Variants in GTF3C2 observed in about 807,000 individuals in gnomAD.
The protein encoded by GTF3C2 is general transcription factor 3C polypeptide 2.
GTF3C2 carries 17 observed loss-of-function variants against 117.4 expected under a neutral mutation model. That is an observed-to-expected ratio of 0.14 (90% CI 0.10 to 0.22). The LOEUF is 0.22. Among genes scored for constraint, GTF3C2 ranks in the 10% least tolerant of loss-of-function variants. The probability of loss-of-function intolerance (pLI) is 1.00; values close to 1 mark genes in which losing one functional copy is unlikely to be tolerated. For synonymous variants in GTF3C2, 437 were observed against 427.0 expected, an observed-to-expected ratio of 1.02 and a Z score of -0.29; for missense variants, 888 against 1,143.6, an observed-to-expected ratio of 0.78 and a Z score of 3.22.
At chr2:27,337,588 G>C in intron 5 of GTF3C2, 30 bp from the exon 6 acceptor site, 1 of 1,446,216 alleles carries the variant, frequency 6.9e-7, no homozygotes, top group East Asian at 2.3e-5. Context: ...ATTAATGAAG[G>C]AGAGGGATTC....
In GTF3C2 at chr2:27,352,315, A is replaced by G. The variant is rs942041668; in HGVS notation, c.-25+4424T>C. Among the ~76,000 whole-genome samples, 3 of 152,064 alleles carry G rather than the reference A, an allele frequency of 2.0e-5. No homozygotes were observed. The East Asian group carries it at 5.8e-4, about 29-fold the overall frequency. On this transcript the variant is annotated intron_variant, in intron 1 of 18. Coordinates refer to ENST00000264720, the Ensembl canonical transcript of GTF3C2. ...GCCCCTACATGCTCTCCCCCTACAC[A>G]TTCTCTGATCCCGATTCTCTGCAGA...
intron 16 of GTF3C2, 133 bp from the exon 17 acceptor site, chr2:27,328,322 G>T (rs534691588): frequency 9.7e-7 from 1 of 1,027,420 alleles, no homozygotes; most frequent in Non-Finnish European, 1.5e-6. Flanking sequence ...GATGCAGTAC[G>T]GTAGGGAAGA....
chr2:27,327,271 T>A (rs757892836), exon 18 of GTF3C2: 2 of 1,584,836 alleles, frequency 1.3e-6, no homozygotes, highest in Non-Finnish European at 1.7e-6. Flanking sequence ...ACGGAGCAGA[T>A]CATGGAATGA....
rs1261604969 is a variant in GTF3C2, at chr2:27,333,888, A to C, written c.1602+86T>G. On this transcript the variant is annotated intron_variant, in intron 11 of 18. Transcript: ENST00000264720. ...CCAGCAGGATGAGGGTATTTTTCAG[A>C]AGTATAAGGAGACTCACTGTGGAAT... The C allele has an allele frequency of 7.5e-6, 11 of 1,460,278 alleles. 1 individual carries two copies. The South Asian group carries it at 1.0e-4, about 14-fold the overall frequency. The allele number at this position is 1,460,278 out of a possible 1,614,324, so 90.5% of individuals were successfully genotyped here.
At chr2:27,348,270 GAA>G (rs74532320) in intron 1 of GTF3C2, among the ~76,000 whole-genome samples, 2 of 135,152 alleles carry the variant, frequency 1.5e-5, no homozygotes, top group Non-Finnish European at 1.6e-5. Context: ...CCGTCTGAGG[GAA>G]AAAAAAAAAA....
At chr2:27,351,634 T>C (rs1317153596) in intron 1 of GTF3C2, among the ~76,000 whole-genome samples, 2 of 152,186 alleles carry the variant, frequency 1.3e-5, no homozygotes, top group South Asian at 2.1e-4. Context: ...CTAGTCTGCC[T>C]TTCTCCTCTC....
At chr2:27,336,119 G>A in intron 8 of GTF3C2, 79 bp downstream of exon 8, 1 of 1,413,380 alleles carries the variant, frequency 7.1e-7, no homozygotes, top group South Asian at 1.2e-5. Context: ...CCCAATCCAA[G>A]CCCTTCCCCC....
At chr2:27,352,714 G>A (rs1170214282) in intron 1 of GTF3C2, among the ~76,000 whole-genome samples, 3 of 152,050 alleles carry the variant, frequency 2.0e-5, no homozygotes, top group Non-Finnish European at 2.9e-5. Flanking sequence ...AAAGCTCCTT[G>A]ATTATTTTAA....
At chr2:27,338,207 C>T (rs1355571195) in intron 4 of GTF3C2, 187 bp from the exon 5 acceptor site, 1 of 585,878 alleles carries the variant, frequency 1.7e-6, no homozygotes, top group Admixed American at 3.0e-5. Context: ...TGCTCTACTC[C>T]TCCATCGAAA....
chr2:27,344,024 C>CG (rs1680834259), intron 1 of GTF3C2, among the ~76,000 whole-genome samples: 1 of 137,580 alleles, frequency 7.3e-6, no homozygotes, highest in Non-Finnish European at 1.6e-5. Context: ...ATAAAGCTTC[C>CG]ATTTTTTTTT....
chr2:27,349,897 C>A (rs940720526), intron 1 of GTF3C2, among the ~76,000 whole-genome samples: 1 of 152,032 alleles, frequency 6.6e-6, no homozygotes, highest in Admixed American at 6.6e-5. Flanking sequence ...GCCTCAGTTT[C>A]CCAAAGTGCT....
chr2:27,335,773 T>C (rs1483458537), intron 9 of GTF3C2, 67 bp from the exon 10 acceptor site: 63 of 1,177,318 alleles, frequency 5.4e-5, no homozygotes, highest in Non-Finnish European at 7.0e-5. Flanking sequence ...TTTGAGGTTC[T>C]AGTCCCTGAA....
chr2:27,333,299 G>A (rs1036116696), intron 12 of GTF3C2, among the ~76,000 whole-genome samples: 2 of 151,194 alleles, frequency 1.3e-5, no homozygotes, highest in Admixed American at 6.6e-5. Context: ...CTCCAGGCAT[G>A]TGCCACCATC....
At chr2:27,353,807 G>A (rs1350149462) in intron 1 of GTF3C2, among the ~76,000 whole-genome samples, 1 of 152,178 alleles carries the variant, frequency 6.6e-6, no homozygotes, top group East Asian at 1.9e-4. Flanking sequence ...ACTGCACCTT[G>A]ACCTCCTGGG....
intron 1 of GTF3C2, among the ~76,000 whole-genome samples, chr2:27,348,979 G>A (rs1451978010): frequency 6.6e-6 from 1 of 151,744 alleles, no homozygotes; most frequent in Non-Finnish European, 1.5e-5. Context: ...TAGGATTACA[G>A]GCGGCCGCCA....
exon 9 of GTF3C2, chr2:27,336,001 A>G: frequency 6.2e-7 from 1 of 1,613,502 alleles, no homozygotes; most frequent in Non-Finnish European, 8.5e-7. Context: ...AAGCAATCCC[A>G]TAGACAAAGT....
intron 12 of GTF3C2, among the ~76,000 whole-genome samples, chr2:27,332,605 G>A (rs1323125097): frequency 6.6e-6 from 1 of 151,498 alleles, no homozygotes; most frequent in Non-Finnish European, 1.5e-5. Context: ...TAGTAGAGAT[G>A]GGGTTTCACC....
exon 18 of GTF3C2, chr2:27,327,241 A>C: frequency 6.2e-7 from 1 of 1,610,464 alleles, no homozygotes. Flanking sequence ...TCCCTCCTGC[A>C]TGCGCAGCAT....
rs1356861585 is a variant in GTF3C2, at chr2:27,328,130, A to C, written c.2316T>G (p.Ser772=). The stretch of plus-strand genomic sequence containing the variant: ...GGTTGGGGACCCCAGATGAAGCAGA[A>C]GAATGGTCTGGACCTTCAGGACTGT... The change falls in exon 17 of 19, where the codon TCT becomes TCG. Residue 772 remains serine, a synonymous_variant. Coordinates refer to ENST00000264720, the Ensembl canonical transcript of GTF3C2. 1.9e-6 allele frequency: 3 copies of C among 1,609,404 alleles called. No homozygotes were observed. The South Asian group carries it at 3.3e-5, about 18-fold the overall frequency.
Sources: gnomAD v4.1 joint callset for allele counts (sites outside exome capture counted in the v4.1 genomes callset) on GRCh38, gnomAD v4.1.1 for gene constraint, MANE v1.5 for transcripts, NCBI Gene and HGNC (gene_info 2026-07-23, HGNC 2026-07-21) for gene names.